Variants in TMEM203 observed in about 807,000 individuals in gnomAD.
TMEM203 encodes transmembrane protein 203, also known as HBeAg-binding protein 1.
In TMEM203, 4 loss-of-function variants were observed where a neutral mutation model predicts 7.9. That is an observed-to-expected ratio of 0.51 (90% confidence interval 0.25 to 1.16). The LOEUF is 1.16. TMEM203 is among the 50% of genes most tolerant of loss of function. The pLI is 0.15. For missense variants in TMEM203, 127 were observed against 174.4 expected, an observed-to-expected ratio of 0.73 and a Z score of 1.53; for synonymous variants, 92 against 82.5, an observed-to-expected ratio of 1.11 and a Z score of -0.62.
At position 137,205,583 on chromosome 9, in the gene TMEM203, C is replaced by T. The variant is rs1308882549; in HGVS notation, c.-169G>A. 1 of 1,213,320 alleles carries T rather than the reference C, an allele frequency of 8.2e-7. No individual in the cohort carries two copies. Among genetic ancestry groups the T allele is most frequent in the East Asian group, 2.9e-5 (1 of 34,544 alleles). 75.2% of individuals were successfully genotyped at this position (1,213,320 alleles called of 1,614,324 possible). On this transcript the variant is annotated 5_prime_UTR_variant, in exon 1 of 1. Coordinates refer to ENST00000343666, the MANE Select transcript of TMEM203 (RefSeq NM_053045.2). Reference sequence around the variant, plus strand: ...CCCTGATGCGCCGGCAATCCCCCGGCCCCGACCCGGGACTCAACCCTGGCC... The same window carrying T: ...CCCTGATGCGCCGGCAATCCCCCGGTCCCGACCCGGGACTCAACCCTGGCC...
At position 137,205,289 on chromosome 9, in the gene TMEM203, C is replaced by T. The variant is rs376143804; in HGVS notation, c.126G>A (p.Pro42=). The change falls in exon 1 of 1, where the codon CCG becomes CCA. Residue 42 remains proline, a synonymous_variant. Coordinates refer to ENST00000343666, the MANE Select transcript of TMEM203 (RefSeq NM_053045.2). ...CGAACACGTTCCACCAGGAGAGGCC[C>T]GGGACCAGGCCATCCACACGCAGTG... ...LLALRVDGLV[P]GLSWWNVFVP... is the part of the protein sequence containing the mutation. 58 of 1,610,832 alleles carry T rather than the reference C, an allele frequency of 3.6e-5. No individual in the cohort carries two copies. Among genetic ancestry groups the T allele is most frequent in the Non-Finnish European group, 4.5e-5 (53 of 1,179,022 alleles).
Position 137,204,463 on chromosome 9 carries a change from C to T in TMEM203, c.*541G>A, listed in dbSNP as rs1429160035. On this transcript the variant is annotated 3_prime_UTR_variant, in exon 1 of 1. Transcript: ENST00000343666. ...TCTCTGCCTAGACTGGAATAAAAAG[C>T]CAATCTCTCTCGTGGCACAGGGAAG... 1 of 153,100 alleles carries T rather than the reference C, an allele frequency of 6.5e-6. No individual in the cohort carries two copies. Among genetic ancestry groups the T allele is most frequent in the African/African-American group, 2.4e-5 (1 of 41,456 alleles). The allele number at this position is 153,100 out of a possible 1,614,324, so 9.5% of individuals were successfully genotyped here.
chr9:137,205,017 C>T lies in TMEM203; in HGVS notation c.398G>A (p.Cys133Tyr), dbSNP rs1277224370. 1.2e-6 allele frequency: 2 copies of T among 1,606,348 alleles called. No homozygotes were observed. Among genetic ancestry groups the T allele is most frequent in the African/African-American group, 2.7e-5 (2 of 74,816 alleles). The change falls in exon 1 of 1, where the codon TGT becomes TAT. Residue 133 changes from cysteine (C) to tyrosine (Y), a missense_variant. Transcript: ENST00000343666. Reference protein sequence around the residue: ...ILLQLLMIRACRVN With the variant: ...ILLQLLMIRAYRVN Reference sequence around the variant, plus strand: ...ACCTCGGTGAGGCTAGTTGACCCGACAGGCGCGGATCATGAGCAGCTGCAG... The same window carrying T: ...ACCTCGGTGAGGCTAGTTGACCCGATAGGCGCGGATCATGAGCAGCTGCAG...
Position 137,204,289 on chromosome 9 carries a change from G to C in TMEM203, c.*715C>G, listed in dbSNP as rs1354568672. On this transcript the variant is annotated 3_prime_UTR_variant, in exon 1 of 1. Transcript: ENST00000343666. ...CTTAAATCTGTCTCAGGTGTGCTAAGAGTGCCAGCCCAAGGTGGTCAAAAG... is the reference window on the plus strand; with the variant it reads ...CTTAAATCTGTCTCAGGTGTGCTAACAGTGCCAGCCCAAGGTGGTCAAAAG... 1 of 152,212 alleles carries C rather than the reference G, an allele frequency of 6.6e-6. No individual in the cohort carries two copies. The highest frequency in any genetic ancestry group is 1.5e-5 in the Non-Finnish European group (1 of 68,044). 9.4% of individuals were successfully genotyped at this position (152,212 alleles called of 1,614,324 possible). A position where few individuals can be genotyped will look rare whatever the true frequency, so the allele number is the denominator to read the frequency against.
In TMEM203 at chr9:137,204,996, C is replaced by G; in HGVS notation, c.*8G>C. 1 of 1,598,838 alleles carries G rather than the reference C, an allele frequency of 6.3e-7. No individual in the cohort carries two copies. The highest frequency in any genetic ancestry group is 8.6e-7 in the Non-Finnish European group (1 of 1,169,560). On this transcript the variant is annotated 3_prime_UTR_variant, in exon 1 of 1. Transcript: ENST00000343666. ...GTCCAGCGCTCCCTCTCCGGCACCT[C>G]GGTGAGGCTAGTTGACCCGACAGGC...
Position 137,205,472 on chromosome 9 carries a change from C to A in TMEM203, c.-58G>T, listed in dbSNP as rs1443657124. ...GAGCGTGCCACCCGCGGGGCTGCGT[C>A]TCCTCTCCCCGTGGCCCTCGCCCGC... On this transcript the variant is annotated 5_prime_UTR_variant, in exon 1 of 1. Transcript: ENST00000343666. 7.0e-7 allele frequency: 1 copy of A among 1,427,384 alleles called. No homozygotes were observed. The highest frequency in any genetic ancestry group is 9.2e-7 in the Non-Finnish European group (1 of 1,089,362). 88.4% of individuals were successfully genotyped at this position (1,427,384 alleles called of 1,614,324 possible). A position where few individuals can be genotyped will look rare whatever the true frequency, so the allele number is the denominator to read the frequency against.
chr9:137,204,872 G>A lies in TMEM203; in HGVS notation c.*132C>T. On this transcript the variant is annotated 3_prime_UTR_variant, in exon 1 of 1. Transcript: ENST00000343666. Reference sequence around the variant, plus strand: ...AACAGGATTGGAATAGGGAAACCCGGCACTCAGCTCGGCGCAAGCCGGCGG... The same window carrying A: ...AACAGGATTGGAATAGGGAAACCCGACACTCAGCTCGGCGCAAGCCGGCGG... 2.4e-6 allele frequency: 3 copies of A among 1,237,782 alleles called. No individual in the cohort carries two copies. Among genetic ancestry groups the A allele is most frequent in the South Asian group, 3.2e-5 (2 of 63,454 alleles). 76.7% of individuals were successfully genotyped at this position (1,237,782 alleles called of 1,614,324 possible). A position where few individuals can be genotyped will look rare whatever the true frequency, so the allele number is the denominator to read the frequency against.
chr9:137,204,341 A>C lies in TMEM203; in HGVS notation c.*663T>G, dbSNP rs1176711678. On this transcript the variant is annotated 3_prime_UTR_variant, in exon 1 of 1. Transcript: ENST00000343666. ...CCACAAAACTGCAGTCTTTGCTGGGATAGTAAGCCAAGCAGTGCCTGGACA... is the reference window on the plus strand; with the variant it reads ...CCACAAAACTGCAGTCTTTGCTGGGCTAGTAAGCCAAGCAGTGCCTGGACA... The C allele has an allele frequency of 6.6e-6, 1 of 152,290 alleles. No homozygotes were observed. Among genetic ancestry groups the C allele is most frequent in the African/African-American group, 2.4e-5 (1 of 41,448 alleles). The allele number at this position is 152,290 out of a possible 1,614,324, so 9.4% of individuals were successfully genotyped here.
Position 137,205,420 on chromosome 9 carries a change from C to T in TMEM203, c.-6G>A, listed in dbSNP as rs780651668. ...TCCCGGAGCGAGAAGAGCATCGCGC[C>T]CGTTGAGCGCGGGCCGGGGCCCGGC... is the stretch of plus-strand genomic sequence containing the variant. On this transcript the variant is annotated 5_prime_UTR_variant, in exon 1 of 1. Transcript: ENST00000343666. The T allele has an allele frequency of 3.2e-6, 5 of 1,548,860 alleles. No homozygotes were observed. Among genetic ancestry groups the T allele is most frequent in the Admixed American group, 3.9e-5 (2 of 51,866 alleles).
At position 137,205,603 on chromosome 9, in the gene TMEM203, C is replaced by T. The variant is rs989396945; in HGVS notation, c.-189G>A. 155 of 1,295,352 alleles carry T rather than the reference C, an allele frequency of 1.2e-4. No individual in the cohort carries two copies. Among genetic ancestry groups the T allele is most frequent in the Non-Finnish European group, 1.6e-4 (151 of 955,590 alleles). 80.2% of individuals were successfully genotyped at this position (1,295,352 alleles called of 1,614,324 possible). ...CCCGGCCCCGACCCGGGACTCAACCCTGGCCGCCCGTGAACGCCCGCCTCG... is the reference window on the plus strand; with the variant it reads ...CCCGGCCCCGACCCGGGACTCAACCTTGGCCGCCCGTGAACGCCCGCCTCG... On this transcript the variant is annotated 5_prime_UTR_variant, in exon 1 of 1. Transcript: ENST00000343666.
rs1409252032 is a variant in TMEM203, at chr9:137,205,627, C to T, written c.-213G>A. On this transcript the variant is annotated 5_prime_UTR_variant, in exon 1 of 1. Transcript: ENST00000343666. The stretch of plus-strand genomic sequence containing the variant: ...CCTGGCCGCCCGTGAACGCCCGCCT[C>T]GATCGGACGCCATGCCCCCACAGGG... 6 of 1,376,168 alleles carry T rather than the reference C, an allele frequency of 4.4e-6. No homozygotes were observed. The Admixed American group carries it at 1.2e-4, about 27-fold the overall frequency. The allele number at this position is 1,376,168 out of a possible 1,614,324, so 85.2% of individuals were successfully genotyped here.
At position 137,205,229 on chromosome 9, in the gene TMEM203, G is replaced by A. The variant is rs1834899505; in HGVS notation, c.186C>T (p.Tyr62=). The change falls in exon 1 of 1, where the codon TAC becomes TAT. Residue 62 remains tyrosine, a synonymous_variant. Coordinates refer to ENST00000343666, the MANE Select transcript of TMEM203 (RefSeq NM_053045.2). ...GGCGCACGGACACGATGGTGGTGAAGTAGGTGCTGAGCCCGTCAGCGGCGA... is the reference window on the plus strand; with the variant it reads ...GGCGCACGGACACGATGGTGGTGAAATAGGTGCTGAGCCCGTCAGCGGCGA... The part of the protein sequence containing the change: ...PFFAADGLST[Y]FTTIVSVRLF... The A allele has an allele frequency of 1.9e-6, 3 of 1,612,154 alleles. No individual in the cohort carries two copies. The highest frequency in any genetic ancestry group is 2.7e-5 in the African/African-American group (2 of 75,050).
chr9:137,205,585 C>G lies in TMEM203; in HGVS notation c.-171G>C. The G allele has an allele frequency of 8.2e-7, 1 of 1,218,140 alleles. No individual in the cohort carries two copies. Among genetic ancestry groups the G allele is most frequent in the Non-Finnish European group, 1.1e-6 (1 of 909,682 alleles). The allele number at this position is 1,218,140 out of a possible 1,614,324, so 75.5% of individuals were successfully genotyped here. ...CTGATGCGCCGGCAATCCCCCGGCC[C>G]CGACCCGGGACTCAACCCTGGCCGC... is the stretch of plus-strand genomic sequence containing the variant. On this transcript the variant is annotated 5_prime_UTR_variant, in exon 1 of 1. Transcript: ENST00000343666.
In TMEM203 at chr9:137,204,835, G is replaced by T. The variant is rs1834887788; in HGVS notation, c.*169C>A. 2 of 856,854 alleles carry T rather than the reference G, an allele frequency of 2.3e-6. No homozygotes were observed. The highest frequency in any genetic ancestry group is 5.4e-5 in the East Asian group (2 of 37,302). The allele number at this position is 856,854 out of a possible 1,614,324, so 53.1% of individuals were successfully genotyped here. A position where few individuals can be genotyped will look rare whatever the true frequency, so the allele number is the denominator to read the frequency against. On this transcript the variant is annotated 3_prime_UTR_variant, in exon 1 of 1. Coordinates refer to ENST00000343666, the MANE Select transcript of TMEM203 (RefSeq NM_053045.2). ...GGCTGCTCTTTTAAGCCCTGCTGAA[G>T]AAACCATTTCAAACAGGATTGGAAT...
In TMEM203 at chr9:137,204,418, T is replaced by C. The variant is rs574194128; in HGVS notation, c.*586A>G. 1.5e-3 allele frequency: 231 copies of C among 152,710 alleles called. No homozygotes were observed. Among genetic ancestry groups the C allele is most frequent in the Non-Finnish European group, 2.9e-3 (195 of 68,280 alleles). The allele number at this position is 152,710 out of a possible 1,614,324, so 9.5% of individuals were successfully genotyped here. ...TAACCAGACAGGACTCTAATCGTGC[T>C]CTTATTCAACATTCTTCTGTCTCTG... On this transcript the variant is annotated 3_prime_UTR_variant, in exon 1 of 1. Coordinates refer to ENST00000343666, the MANE Select transcript of TMEM203 (RefSeq NM_053045.2).
Position 137,205,326 on chromosome 9 carries a change from G to A in TMEM203, c.89C>T (p.Ser30Phe), listed in dbSNP as rs761707036. 4.3e-6 allele frequency: 7 copies of A among 1,610,620 alleles called. No individual in the cohort carries two copies. The highest frequency in any genetic ancestry group is 1.1e-5 in the South Asian group (1 of 90,784). ...ATCCACACGCAGTGCCAGCAGCACAGAGAACACCAACAGGGCCAGCAGGTG... is the reference window on the plus strand; with the variant it reads ...ATCCACACGCAGTGCCAGCAGCACAAAGAACACCAACAGGGCCAGCAGGTG... ...FVHLLALLVF[S>F]VLLALRVDGL... Residue 30 changes from serine to phenylalanine, a missense_variant, in exon 1 of 1, where the codon TCT becomes TTT. Physicochemically the swap from Ser to Phe is radical, Grantham distance 155. Transcript: ENST00000343666.
In TMEM203 at chr9:137,205,194, T is replaced by C; in HGVS notation, c.221A>G (p.Asp74Gly). The change falls in exon 1 of 1, where the codon GAT becomes GGT. Residue 74 changes from aspartate to glycine, a missense_variant. Coordinates refer to ENST00000343666, the MANE Select transcript of TMEM203 (RefSeq NM_053045.2). ...TTIVSVRLFQ[D>G]GEKRLAVLRL... is the part of the protein sequence containing the mutation. ...GAGCACCGCCAGCCGCTTCTCTCCA[T>C]CCTGGAAGAGGCGCACGGACACGAT... 1 of 1,612,418 alleles carries C rather than the reference T, an allele frequency of 6.2e-7. No individual in the cohort carries two copies. The highest frequency in any genetic ancestry group is 2.2e-5 in the East Asian group (1 of 44,856).
Position 137,205,477 on chromosome 9 carries a change from C to A in TMEM203, c.-63G>T. The stretch of plus-strand genomic sequence containing the variant: ...TGCCACCCGCGGGGCTGCGTCTCCT[C>A]TCCCCGTGGCCCTCGCCCGCGCCTG... On this transcript the variant is annotated 5_prime_UTR_variant, in exon 1 of 1. Coordinates refer to ENST00000343666, the MANE Select transcript of TMEM203 (RefSeq NM_053045.2). 1 of 1,396,262 alleles carries A rather than the reference C, an allele frequency of 7.2e-7. No homozygotes were observed. The highest frequency in any genetic ancestry group is 1.6e-5 in the South Asian group (1 of 61,536). 86.5% of individuals were successfully genotyped at this position (1,396,262 alleles called of 1,614,324 possible).
chr9:137,205,558 C>A lies in TMEM203; in HGVS notation c.-144G>T. On this transcript the variant is annotated 5_prime_UTR_variant, in exon 1 of 1. Transcript: ENST00000343666. Reference sequence around the variant, plus strand: ...CGGCCCCGCCAGCCCCAGCCCTCGGCCCTGATGCGCCGGCAATCCCCCGGC... The same window carrying A: ...CGGCCCCGCCAGCCCCAGCCCTCGGACCTGATGCGCCGGCAATCCCCCGGC... The A allele has an allele frequency of 8.2e-7, 1 of 1,220,302 alleles. No homozygotes were observed. Among genetic ancestry groups the A allele is most frequent in the East Asian group, 3.0e-5 (1 of 33,114 alleles). 75.6% of individuals were successfully genotyped at this position (1,220,302 alleles called of 1,614,324 possible). A position where few individuals can be genotyped will look rare whatever the true frequency, so the allele number is the denominator to read the frequency against.
Sources: allele counts gnomAD v4.1 joint callset, GRCh38; gene constraint gnomAD v4.1.1; transcripts MANE v1.5; gene names NCBI Gene and HGNC (gene_info 2026-07-23, HGNC 2026-07-21).